Variants in MARCHF10 observed in about 807,000 individuals in gnomAD.
MARCHF10 encodes the protein probable E3 ubiquitin-protein ligase MARCHF10.
Under a neutral mutation model 76.2 loss-of-function variants are expected in MARCHF10, and 64 were observed. That is an observed-to-expected ratio of 0.84 (90% CI 0.69 to 1.03). The LOEUF (loss-of-function observed/expected upper bound fraction) is 1.03, where lower values mean the gene tolerates loss of function less well. MARCHF10 is among the 50% of genes least tolerant of loss of function. The probability of loss-of-function intolerance (pLI) is 0.00; values close to 1 mark genes in which losing one functional copy is unlikely to be tolerated. For synonymous variants in MARCHF10, 340 were observed against 357.5 expected, an observed-to-expected ratio of 0.95 and a Z score of 0.55; for missense variants, 875 against 958.0, an observed-to-expected ratio of 0.91 and a Z score of 1.14.
intron 4 of MARCHF10, among the ~76,000 whole-genome samples, chr17:62,748,811 C>A (rs980854970): frequency 3.9e-5 from 6 of 152,182 alleles, no homozygotes; most frequent in African/African-American, 1.4e-4. Flanking sequence ...AAAAGTGAAT[C>A]AAATTTCAGA....
intron 4 of MARCHF10, among the ~76,000 whole-genome samples, chr17:62,757,649 C>G (rs1159941352): frequency 2.0e-5 from 3 of 152,322 alleles, no homozygotes; most frequent in South Asian, 2.1e-4. Flanking sequence ...CATCCATCAC[C>G]AGGACTGCTC....
rs1314432445 is a variant in MARCHF10 at position 62,786,087 on chromosome 17, G to A, written c.210+2393C>T. On this transcript the variant is annotated intron_variant, in intron 3 of 10. Coordinates refer to ENST00000311269, the MANE Select transcript of MARCHF10 (RefSeq NM_152598.4). ...ACTATAAAGACACATACACACTTAT[G>A]TTTATTGTGGCACTATTCACAATAG... 2.6e-5 allele frequency among the ~76,000 whole-genome samples: 4 copies of A among 152,162 alleles called. No homozygotes were observed. In the East Asian group the frequency reaches 7.7e-4, roughly 29 times the overall value.
At chr17:62,766,978 G>C (rs550806071) in intron 3 of MARCHF10, among the ~76,000 whole-genome samples, 4 of 152,342 alleles carry the variant, frequency 2.6e-5, no homozygotes, top group Admixed American at 6.5e-5. Flanking sequence ...GGTGGTGTGT[G>C]CTGGGACTTG....
intron 1 of MARCHF10, chr17:62,806,746 T>G (rs1235127289): frequency 6.6e-6 from 1 of 152,250 alleles, no homozygotes; most frequent in Admixed American, 6.5e-5. Flanking sequence ...TCCAGTGAAT[T>G]CCAACCAAGT....
intron 5 of MARCHF10, 64 bp downstream of exon 5, chr17:62,744,312 C>T (rs190944567): frequency 1.9e-5 from 29 of 1,529,090 alleles, no homozygotes; most frequent in East Asian, 1.6e-4. Context: ...AAGAATTCAC[C>T]GGGTAACAGC....
At chr17:62,705,912 G>C (rs1443718264) in intron 9 of MARCHF10, among the ~76,000 whole-genome samples, 1 of 152,232 alleles carries the variant, frequency 6.6e-6, no homozygotes, top group Non-Finnish European at 1.5e-5. Flanking sequence ...CAGGCTGTGG[G>C]GGTGAAGGCC....
chr17:62,807,495 T>C (rs2093180831), intron 1 of MARCHF10, among the ~76,000 whole-genome samples: 1 of 152,048 alleles, frequency 6.6e-6, no homozygotes, highest in Admixed American at 6.6e-5. Flanking sequence ...CAACGTGTAA[T>C]TGGGAAACTC....
At chr17:62,710,124 C>T (rs143170807) in intron 9 of MARCHF10, among the ~76,000 whole-genome samples, 3 of 152,230 alleles carry the variant, frequency 2.0e-5, no homozygotes, top group South Asian at 2.1e-4. Context: ...TACTGTTTGT[C>T]GTTTGTCATG....
Position 62,701,569 on chromosome 17 carries a change from A to C in MARCHF10, c.*134T>G. On this transcript the variant is annotated 3_prime_UTR_variant, in exon 11 of 11. Coordinates refer to ENST00000311269, the MANE Select transcript of MARCHF10 (RefSeq NM_152598.4). Reference sequence around the variant, plus strand: ...AAGCCAGACCCCAAAAGAGAGTGGCACGAGGTGAAAATCTAACTGTGAACG... The same window carrying C: ...AAGCCAGACCCCAAAAGAGAGTGGCCCGAGGTGAAAATCTAACTGTGAACG... The C allele has an allele frequency of 1.3e-6, 2 of 1,570,570 alleles. No homozygotes were observed. Among genetic ancestry groups the C allele is most frequent in the Non-Finnish European group, 1.7e-6 (2 of 1,161,218 alleles).
At chr17:62,765,692 C>T (rs1437494691) in intron 3 of MARCHF10, among the ~76,000 whole-genome samples, 1 of 152,144 alleles carries the variant, frequency 6.6e-6, no homozygotes, top group Admixed American at 6.5e-5. Flanking sequence ...ACATGGCAAG[C>T]AGGACGTGCT....
At chr17:62,804,889 G>A (rs77155740) in intron 1 of MARCHF10, 4,720 of 152,250 alleles carry the variant, frequency 0.031, 134 homozygotes, top group Non-Finnish European at 0.044. Flanking sequence ...TGGGACAGGC[G>A]ACATCTCTAC....
At chr17:62,762,863 C>A (rs7213017) in intron 3 of MARCHF10, among the ~76,000 whole-genome samples, 75,471 of 152,028 alleles carry the variant, frequency 0.5, 20,277 homozygotes, top group East Asian at 0.7. Context: ...TTTCATGAAA[C>A]CCCATCGTAT....
At chr17:62,773,592 T>G (rs959328927) in intron 3 of MARCHF10, among the ~76,000 whole-genome samples, 1 of 152,142 alleles carries the variant, frequency 6.6e-6, no homozygotes, top group Non-Finnish European at 1.5e-5. Flanking sequence ...GGGAAGGCTC[T>G]GGCACAGAGC....
chr17:62,802,827 GGA>G (rs1568234709), intron 1 of MARCHF10, among the ~76,000 whole-genome samples: 1 of 152,188 alleles, frequency 6.6e-6, no homozygotes, highest in Non-Finnish European at 1.5e-5. Flanking sequence ...GAACAGCCCC[GGA>G]AGGGCTGCAG....
chr17:62,804,235 G>A (rs114495278), intron 1 of MARCHF10, among the ~76,000 whole-genome samples: 1 of 152,322 alleles, frequency 6.6e-6, no homozygotes, highest in African/African-American at 2.4e-5. Context: ...GGCGTCACAA[G>A]TGTCTGCGGT....
At chr17:62,777,060 TC>T (rs748178178) in intron 3 of MARCHF10, among the ~76,000 whole-genome samples, 1 of 152,246 alleles carries the variant, frequency 6.6e-6, no homozygotes, top group Non-Finnish European at 1.5e-5. Context: ...GTCAATCATT[TC>T]AAGCCAGGTC....
At chr17:62,722,754 C>T (rs1159044975) in intron 7 of MARCHF10, among the ~76,000 whole-genome samples, 157 bp from the exon 8 acceptor site, 1 of 151,906 alleles carries the variant, frequency 6.6e-6, no homozygotes, top group African/African-American at 2.4e-5. Context: ...TAGAAAATGA[C>T]CTTGAATCTG....
At chr17:62,788,396 T>A (rs1197941219) in intron 3 of MARCHF10, 84 bp downstream of exon 3, 4 of 1,558,538 alleles carry the variant, frequency 2.6e-6, no homozygotes, top group Non-Finnish European at 3.5e-6. Flanking sequence ...GAGTTGGCTT[T>A]TTCCTACATC....
At chr17:62,789,041 G>A (rs1002454302) in intron 2 of MARCHF10, among the ~76,000 whole-genome samples, 2 of 121,104 alleles carry the variant, frequency 1.7e-5, no homozygotes, top group Non-Finnish European at 3.2e-5. Flanking sequence ...CCGCAGTCCG[G>A]CCTGGGCGAC....
Sources: allele counts gnomAD v4.1 joint callset (sites outside exome capture counted in the v4.1 genomes callset), GRCh38; gene constraint gnomAD v4.1.1; transcripts MANE v1.5; gene names NCBI Gene and HGNC (gene_info 2026-07-23, HGNC 2026-07-21).